PLA2R1: variants seen among roughly 807,000 people sequenced by gnomAD.
The protein encoded by PLA2R1 is secretory phospholipase A2 receptor.
PLA2R1 carries 158 observed loss-of-function variants against 195.9 expected under a neutral mutation model. That is an observed-to-expected ratio of 0.81 (90% CI 0.71 to 0.92). The LOEUF (loss-of-function observed/expected upper bound fraction) is 0.92, where lower values mean the gene tolerates loss of function less well. Among genes scored for constraint, PLA2R1 ranks in the 40% least tolerant of loss-of-function variants. The pLI, the probability that PLA2R1 is intolerant of heterozygous loss-of-function variation, is 0.00. For missense variants in PLA2R1, 1,626 were observed against 1,764.6 expected (o/e 0.92, Z 1.41); for synonymous variants, 586 against 598.2 (o/e 0.98, Z 0.30).
intron 28 of PLA2R1, among the ~76,000 whole-genome samples, chr2:159,943,113 G>A (rs1458308482): frequency 2.4e-5 from 3 of 124,514 alleles, no homozygotes; most frequent in Non-Finnish European, 6.0e-5. Flanking sequence ...GGGATTACGG[G>A]TGTGTGCCAT....
At chr2:160,062,225 T>C in intron 1 of PLA2R1, 70 bp downstream of exon 1, 1 of 1,224,694 alleles carries the variant, frequency 8.2e-7, no homozygotes, top group Non-Finnish European at 1.1e-6. Context: ...CGCCCCTTCT[T>C]CCTCTCCTTC....
chr2:160,021,370 T>C (rs1009279958), intron 7 of PLA2R1, among the ~76,000 whole-genome samples: 1 of 152,196 alleles, frequency 6.6e-6, no homozygotes, highest in African/African-American at 2.4e-5. Context: ...GATGGAATCA[T>C]GTAAGTATCC....
intron 20 of PLA2R1, among the ~76,000 whole-genome samples, chr2:159,957,367 T>C (rs1409983370): frequency 6.6e-6 from 1 of 152,166 alleles, no homozygotes; most frequent in Non-Finnish European, 1.5e-5. Context: ...TTTTTAAATT[T>C]TTTTTGAGAT....
At chr2:160,007,307 A>G (rs770808725) in intron 10 of PLA2R1, among the ~76,000 whole-genome samples, 16 of 152,190 alleles carry the variant, frequency 1.1e-4, no homozygotes, top group Non-Finnish European at 1.9e-4. Flanking sequence ...TGCTGGGAGG[A>G]GAAGGGCGGG....
chr2:159,994,934 T>C (rs1194918327), intron 11 of PLA2R1, among the ~76,000 whole-genome samples: 1 of 152,072 alleles, frequency 6.6e-6, no homozygotes, highest in Non-Finnish European at 1.5e-5. Flanking sequence ...AATGTACGAC[T>C]GTGGTGTGGG....
intron 1 of PLA2R1, among the ~76,000 whole-genome samples, chr2:160,053,040 A>G (rs2105678265): frequency 6.6e-6 from 1 of 152,292 alleles, no homozygotes; most frequent in East Asian, 1.9e-4. Context: ...GGCTTCAATG[A>G]CAGAAATTTC....
intron 11 of PLA2R1, among the ~76,000 whole-genome samples, chr2:159,996,497 C>T (rs548215375): frequency 3.3e-5 from 5 of 152,074 alleles, no homozygotes; most frequent in East Asian, 1.9e-4. Flanking sequence ...TTCTGAAGTT[C>T]GGATACAATA....
intron 11 of PLA2R1, among the ~76,000 whole-genome samples, 184 bp from the exon 12 acceptor site, chr2:159,987,542 G>A (rs1257493700): frequency 6.6e-6 from 1 of 152,188 alleles, no homozygotes; most frequent in Non-Finnish European, 1.5e-5. Context: ...CTGGAGAAAA[G>A]AATGCAAGAT....
rs199949189 is a variant in PLA2R1, at chr2:160,028,879, G to A, written c.926C>T (p.Thr309Met). 119 of 1,612,286 alleles carry A rather than the reference G, an allele frequency of 7.4e-5. 1 individual carries two copies. The highest frequency in any genetic ancestry group is 1.6e-4 in the South Asian group (15 of 91,056). Reference protein sequence around the residue: ...EHAGWQWSDGTPLNYLNWSPE... With the variant: ...EHAGWQWSDGMPLNYLNWSPE... ...GCTCCAATTCAGATAGTTGAGCGGC[G>A]TTCCATCAGACCACTGCCAGCCAGC... Residue 309 changes from threonine to methionine, a missense_variant, in exon 5 of 30, where the codon ACG (threonine) becomes ATG (methionine). By Grantham distance (81) the Thr-to-Met change is moderately conservative. Transcript: ENST00000283243.
At chr2:159,949,153 C>T (rs1482310543) in intron 25 of PLA2R1, among the ~76,000 whole-genome samples, 2 of 152,090 alleles carry the variant, frequency 1.3e-5, no homozygotes, top group African/African-American at 4.8e-5. Context: ...GCTTGAAGCC[C>T]ATGTTTCTCA....
intron 11 of PLA2R1, among the ~76,000 whole-genome samples, chr2:160,003,304 G>A (rs1420345737): frequency 6.6e-6 from 1 of 151,644 alleles, no homozygotes; most frequent in Non-Finnish European, 1.5e-5. Context: ...AATCTACAAA[G>A]CTAAAATGAA....
intron 9 of PLA2R1, among the ~76,000 whole-genome samples, chr2:160,014,074 A>G (rs893905889): frequency 6.6e-6 from 1 of 152,130 alleles, no homozygotes; most frequent in Non-Finnish European, 1.5e-5. Flanking sequence ...ATTTCATGTT[A>G]TCCCTCTGAG....
the PLA2R1 span, among the ~76,000 whole-genome samples, chr2:159,924,931 C>A: frequency 0.21 from 32,405 of 151,994 alleles, 4,012 homozygotes; most frequent in Admixed American, 0.36. Context: ...TGGTCTGAGG[C>A]ATATTACTCC....
At chr2:159,977,447 T>G in intron 14 of PLA2R1, 31 bp from the exon 15 acceptor site, 5 of 1,607,398 alleles carry the variant, frequency 3.1e-6, no homozygotes, top group Non-Finnish European at 4.3e-6. Context: ...TATTCCTTAA[T>G]GATGATCCCC....
intron 17 of PLA2R1, among the ~76,000 whole-genome samples, chr2:159,971,169 T>C (rs1042665769): frequency 4.6e-5 from 7 of 152,148 alleles, no homozygotes; most frequent in African/African-American, 1.7e-4. Flanking sequence ...CTTTTTAATA[T>C]AAAATTAAAC....
chr2:159,946,997 T>C (rs1574644881), intron 26 of PLA2R1, 80 bp from the exon 27 acceptor site: 1 of 894,866 alleles, frequency 1.1e-6, no homozygotes, highest in East Asian at 2.8e-5. Flanking sequence ...ATACTATTAA[T>C]TGTAAAGCTC....
At chr2:160,003,100 T>C (rs1444500353) in intron 11 of PLA2R1, among the ~76,000 whole-genome samples, 4 of 152,022 alleles carry the variant, frequency 2.6e-5, no homozygotes, top group Non-Finnish European at 5.9e-5. Flanking sequence ...TTCGAATCAG[T>C]AGACGAAAGG....
intron 11 of PLA2R1, among the ~76,000 whole-genome samples, chr2:160,004,336 T>C (rs945842748): frequency 6.6e-6 from 1 of 152,236 alleles, no homozygotes; most frequent in Non-Finnish European, 1.5e-5. Context: ...ATTTCATCGT[T>C]GAATTTTAAA....
intron 2 of PLA2R1, among the ~76,000 whole-genome samples, chr2:160,043,207 G>C (rs560379573): frequency 2.3e-4 from 35 of 152,134 alleles, no homozygotes; most frequent in African/African-American, 8.2e-4. Context: ...GTTTTGAATG[G>C]GAAAGTGACA....
Sources: allele counts gnomAD v4.1 joint callset (sites outside exome capture counted in the v4.1 genomes callset), GRCh38; gene constraint gnomAD v4.1.1; transcripts MANE v1.5; gene names NCBI Gene and HGNC (gene_info 2026-07-23, HGNC 2026-07-21).